PCDH15: variants seen among roughly 807,000 people sequenced by gnomAD.
PCDH15 encodes protocadherin related 15, also known as protocadherin-15.
A neutral mutation model predicts 178.5 loss-of-function variants in PCDH15; 129 were observed. That is an observed-to-expected ratio of 0.72 (90% CI 0.63 to 0.84). The LOEUF (loss-of-function observed/expected upper bound fraction) is 0.84. Among genes scored for constraint, PCDH15 ranks in the 40% least tolerant of loss-of-function variants. The pLI is 0.00. For synonymous variants in PCDH15, 800 were observed against 732.0 expected, an observed-to-expected ratio of 1.09 and a Z score of -1.50; for missense variants, 2,230 against 2,099.9, an observed-to-expected ratio of 1.06 and a Z score of -1.21.
intron 3 of PCDH15, among the ~76,000 whole-genome samples, chr10:54,379,732 A>G (rs1948945669): frequency 6.6e-6 from 1 of 152,012 alleles, no homozygotes; most frequent in Non-Finnish European, 1.5e-5. Context: ...TTTTTCCCTC[A>G]CGCAGCAATG....
chr10:54,855,597 A>T (rs566813193), intron 3 of PCDH15, among the ~76,000 whole-genome samples: 6 of 152,234 alleles, frequency 3.9e-5, no homozygotes, highest in Non-Finnish European at 8.8e-5. Context: ...ATTCTAGTGA[A>T]TATCACAAAT....
chr10:53,966,917 T>C (rs1056881510), intron 21 of PCDH15, among the ~76,000 whole-genome samples: 26 of 151,890 alleles, frequency 1.7e-4, no homozygotes, highest in Admixed American at 1.7e-3. Flanking sequence ...TGTATATATA[T>C]TTTAAAGACA....
chr10:55,264,023 C>T (rs1412855021), intron 1 of PCDH15, among the ~76,000 whole-genome samples: 1 of 152,048 alleles, frequency 6.6e-6, no homozygotes, highest in Non-Finnish European at 1.5e-5. Flanking sequence ...CCTGAGCCAC[C>T]GCCCCGGGCC....
Position 53,810,650 on chromosome 10 carries a change from T to C in PCDH15, c.4577A>G (p.Gln1526Arg). Residue 1526 changes from glutamine to arginine, a missense_variant, in exon 37 of 38, where the codon CAA becomes CGA. Physicochemically the swap from Gln to Arg is conservative, Grantham distance 43. Coordinates refer to ENST00000644397, the MANE Select transcript of PCDH15 (RefSeq NM_001384140.1). The stretch of plus-strand genomic sequence containing the variant: ...TAACAATCGACGGCGACTCCCATAT[T>C]GAGGCATTTCATACCTGTAATATAA... ...YSYEHGYEMP[Q>R]YGSRRRLLPP... The C allele has an allele frequency of 6.2e-7, 1 of 1,613,762 alleles. No homozygotes were observed. Among genetic ancestry groups the C allele is most frequent in the South Asian group, 1.1e-5 (1 of 91,082 alleles).
chr10:54,794,549 T>A (rs1381603566), intron 1 of PCDH15, among the ~76,000 whole-genome samples: 17 of 151,854 alleles, frequency 1.1e-4, no homozygotes, highest in Admixed American at 1.1e-3. Context: ...GAGTATTTTA[T>A]TTCATGCTTA....
In PCDH15 at chr10:54,554,462, T is replaced by TA. The variant is rs532671123; in HGVS notation, c.92-26586dup. ...GAAAATTAATGTAAAAAAATTGGAT[T>TA]AAAAAATGAAGACTTAGGATAATCT... On this transcript the variant is annotated intron_variant, in intron 2 of 37. Coordinates refer to ENST00000644397, the MANE Select transcript of PCDH15 (RefSeq NM_001384140.1). Among the ~76,000 whole-genome samples the TA allele has an allele frequency of 6.1e-3, 922 of 152,206 alleles. 8 individuals are homozygous for TA. Among genetic ancestry groups the TA allele is most frequent in the African/African-American group, 0.021 (864 of 41,532 alleles).
At chr10:55,462,581 A>G (rs923790867) in intron 2 of PCDH15, among the ~76,000 whole-genome samples, 3 of 151,032 alleles carry the variant, frequency 2.0e-5, no homozygotes, top group South Asian at 2.1e-4. Context: ...GTATGAATCC[A>G]AAGGAAATGT....
At position 55,574,432 on chromosome 10, in the gene PCDH15, G is replaced by A. The variant is rs149465352; in HGVS notation, c.-156+53193C>T. 9.9e-4 allele frequency among the ~76,000 whole-genome samples: 150 copies of A among 152,098 alleles called. No homozygotes were observed. The East Asian group carries it at 0.016, about 16-fold the overall frequency. On this transcript the variant is annotated intron_variant, in intron 2 of 5. Coordinates refer to the PCDH15 transcript ENST00000613346. The stretch of plus-strand genomic sequence containing the variant: ...CTTAGAGCCTTCCTTTCACAGAGTA[G>A]GCAATCAACTTTAGAACTATCAATG...
At chr10:55,023,582 C>A (rs1370749428) in intron 2 of PCDH15, among the ~76,000 whole-genome samples, 2 of 152,046 alleles carry the variant, frequency 1.3e-5, no homozygotes, top group East Asian at 3.9e-4. Context: ...CAGACACACA[C>A]ACAAGTGTTT....
intron 1 of PCDH15, among the ~76,000 whole-genome samples, chr10:55,285,804 A>T (rs1346466870): frequency 6.6e-6 from 1 of 151,950 alleles, no homozygotes; most frequent in Non-Finnish European, 1.5e-5. Context: ...AGACACAGTC[A>T]TGACATTAAG....
intron 2 of PCDH15, among the ~76,000 whole-genome samples, chr10:55,036,768 A>G (rs1353869809): frequency 6.6e-6 from 1 of 152,196 alleles, no homozygotes; most frequent in East Asian, 1.9e-4. Context: ...ATATTTATCT[A>G]AACTATAAAC....
At chr10:54,947,997 T>C (rs1050138598) in intron 2 of PCDH15, among the ~76,000 whole-genome samples, 2 of 151,976 alleles carry the variant, frequency 1.3e-5, no homozygotes, top group African/African-American at 2.4e-5. Flanking sequence ...TTCTTCTTCA[T>C]AGACTATTTG....
At chr10:54,397,684 G>T (rs1277254825) in intron 3 of PCDH15, among the ~76,000 whole-genome samples, 1 of 151,852 alleles carries the variant, frequency 6.6e-6, no homozygotes, top group Non-Finnish European at 1.5e-5. Flanking sequence ...GCACTAAATG[G>T]CAAAGGTATA....
At chr10:54,993,732 A>G (rs1168500406) in intron 2 of PCDH15, among the ~76,000 whole-genome samples, 1 of 152,156 alleles carries the variant, frequency 6.6e-6, no homozygotes, top group Non-Finnish European at 1.5e-5. Flanking sequence ...ATGCTGAGAT[A>G]TCTCTGGAAA....
intron 13 of PCDH15, among the ~76,000 whole-genome samples, chr10:54,167,811 TCCCTTATTTCCATGCCCCAAC>T (rs1354008069): frequency 6.7e-5 from 10 of 150,028 alleles, no homozygotes; most frequent in African/African-American, 2.5e-4. Context: ...TGTGCCCCAA[TCCCTTATTTCCATGCCCCAAC>T]CCCTTATTTC....
intron 2 of PCDH15, among the ~76,000 whole-genome samples, chr10:55,624,564 G>A (rs561120781): frequency 6.6e-6 from 1 of 152,062 alleles, no homozygotes; most frequent in South Asian, 2.1e-4. Flanking sequence ...CACTGTTATT[G>A]GGCAAACTTT....
intron 3 of PCDH15, among the ~76,000 whole-genome samples, chr10:54,827,420 A>G (rs1953150391): frequency 6.6e-6 from 1 of 152,244 alleles, no homozygotes. Flanking sequence ...AACATGATCC[A>G]TTGAAAAAAT....
intron 25 of PCDH15, among the ~76,000 whole-genome samples, chr10:53,916,824 T>C (rs928110283): frequency 2.0e-5 from 3 of 152,094 alleles, no homozygotes; most frequent in Non-Finnish European, 4.4e-5. Flanking sequence ...TGAGCAAATA[T>C]ATGTAAGGCA....
At chr10:55,135,577 T>TC (rs1282313524) in intron 2 of PCDH15, among the ~76,000 whole-genome samples, 8 of 119,760 alleles carry the variant, frequency 6.7e-5, no homozygotes, top group African/African-American at 2.0e-4. Flanking sequence ...TTTCTTTCTT[T>TC]TTTTTTTTTT....
Sources: allele counts gnomAD v4.1 joint callset (sites outside exome capture counted in the v4.1 genomes callset), GRCh38; gene constraint gnomAD v4.1.1; transcripts MANE v1.5; gene names NCBI Gene and HGNC (gene_info 2026-07-23, HGNC 2026-07-21).